Variants in GRIA4 observed in about 807,000 individuals in gnomAD.
GRIA4 encodes glutamate receptor 4.
GRIA4 carries 34 observed loss-of-function variants against 104.0 expected under a neutral mutation model. The ratio of observed to expected loss-of-function variants is 0.33; its 90% confidence interval spans 0.25 to 0.44. The LOEUF is 0.44. Ranked by LOEUF, GRIA4 falls within the 20% of genes least tolerant of loss-of-function variation. The pLI is 1.00. For missense variants in GRIA4, 750 were observed against 1,096.5 expected (o/e 0.68, Z 4.46); for synonymous variants, 386 against 381.9 (o/e 1.01, Z -0.13).
At chr11:105,633,506 T>A (rs1417377678) in intron 3 of GRIA4, among the ~76,000 whole-genome samples, 1 of 152,214 alleles carries the variant, frequency 6.6e-6, no homozygotes, top group Admixed American at 6.5e-5. Flanking sequence ...TATTTCTGAA[T>A]GCAAATGTGC....
chr11:105,826,000 A>G (rs1943757403), intron 4 of GRIA4, among the ~76,000 whole-genome samples: 1 of 152,006 alleles, frequency 6.6e-6, no homozygotes, highest in Non-Finnish European at 1.5e-5. Context: ...CCCTCTCCTA[A>G]GCAGGACCAG....
intron 4 of GRIA4, among the ~76,000 whole-genome samples, chr11:105,790,639 G>A (rs1942175943): frequency 6.6e-6 from 1 of 152,020 alleles, no homozygotes; most frequent in South Asian, 2.1e-4. Context: ...CTCAAGCCAG[G>A]GAAATAAAAG....
chr11:105,796,409 T>G (rs1320515497), intron 4 of GRIA4, among the ~76,000 whole-genome samples: 1 of 152,192 alleles, frequency 6.6e-6, no homozygotes, highest in African/African-American at 2.4e-5. Flanking sequence ...GGAAACCATG[T>G]GAGCTGGCCT....
chr11:105,959,588 G>T (rs942038556), intron 14 of GRIA4, among the ~76,000 whole-genome samples: 1 of 152,134 alleles, frequency 6.6e-6, no homozygotes, highest in Non-Finnish European at 1.5e-5. Context: ...CCTATCTTCT[G>T]AAGACTCCTT....
At chr11:105,852,241 G>A (rs949961020) in intron 4 of GRIA4, among the ~76,000 whole-genome samples, 6 of 152,130 alleles carry the variant, frequency 3.9e-5, no homozygotes, top group Non-Finnish European at 8.8e-5. Flanking sequence ...GTGGGATGTT[G>A]AGTTATACAT....
intron 14 of GRIA4, among the ~76,000 whole-genome samples, chr11:105,946,604 C>T (rs1948320701): frequency 6.6e-6 from 1 of 151,756 alleles, no homozygotes; most frequent in Admixed American, 6.6e-5. Flanking sequence ...TAAATAAAAG[C>T]TAAATTAAAA....
At chr11:105,898,663 C>A (rs374918302) in intron 7 of GRIA4, among the ~76,000 whole-genome samples, 3 of 152,158 alleles carry the variant, frequency 2.0e-5, no homozygotes, top group African/African-American at 4.8e-5. Context: ...CAGTACTATA[C>A]ATATGAATTT....
At chr11:105,791,348 T>C (rs903240309) in intron 4 of GRIA4, among the ~76,000 whole-genome samples, 21 of 152,206 alleles carry the variant, frequency 1.4e-4, no homozygotes, top group African/African-American at 5.1e-4. Flanking sequence ...CCAAACGAAG[T>C]GTATTTTGTT....
chr11:105,714,564 A>AAACATC (rs1307975574), intron 3 of GRIA4, among the ~76,000 whole-genome samples: 1 of 152,126 alleles, frequency 6.6e-6, no homozygotes, highest in Admixed American at 6.6e-5. Flanking sequence ...TAAAACATCA[A>AAACATC]TTATCTTACA....
chr11:105,975,726 G>T (rs1858947660), intron 16 of GRIA4, among the ~76,000 whole-genome samples: 1 of 152,000 alleles, frequency 6.6e-6, no homozygotes, highest in Non-Finnish European at 1.5e-5. Context: ...TCAGTAAGAT[G>T]TACATCTGAG....
intron 3 of GRIA4, among the ~76,000 whole-genome samples, chr11:105,661,095 T>A (rs1208483173): frequency 6.6e-6 from 1 of 151,546 alleles, no homozygotes; most frequent in Non-Finnish European, 1.5e-5. Flanking sequence ...AAGTGGAAGA[T>A]GAGATATTTT....
intron 10 of GRIA4, chr11:105,913,553 T>G (rs1947317308): frequency 1.2e-6 from 1 of 821,498 alleles, no homozygotes; most frequent in Admixed American, 6.2e-5. Flanking sequence ...TTTCTGCAAA[T>G]AACCCAAAGA....
chr11:105,785,098 G>A (rs1007608005), intron 4 of GRIA4, among the ~76,000 whole-genome samples: 8 of 152,052 alleles, frequency 5.3e-5, no homozygotes, highest in African/African-American at 1.7e-4. Context: ...CACTTGTGCC[G>A]GATTTCAAAC....
At chr11:105,772,558 A>C (rs1379659610) in intron 4 of GRIA4, among the ~76,000 whole-genome samples, 1 of 152,114 alleles carries the variant, frequency 6.6e-6, no homozygotes, top group East Asian at 1.9e-4. Context: ...TCAATTTTGG[A>C]GGGAGTTAAA....
At chr11:105,661,963 G>T (rs1952023647) in intron 3 of GRIA4, among the ~76,000 whole-genome samples, 1 of 150,992 alleles carries the variant, frequency 6.6e-6, no homozygotes, top group African/African-American at 2.4e-5. Flanking sequence ...CTGCAAAGTT[G>T]GATTAATAAG....
chr11:105,860,956 G>GAAAA (rs55824302), intron 4 of GRIA4, among the ~76,000 whole-genome samples: 3 of 106,078 alleles, frequency 2.8e-5, no homozygotes, highest in African/African-American at 1.1e-4. Flanking sequence ...AAGACTGTCT[G>GAAAA]AAAAAAAAAA....
intron 14 of GRIA4, among the ~76,000 whole-genome samples, chr11:105,942,986 A>G: frequency 6.6e-6 from 1 of 152,120 alleles, no homozygotes; most frequent in East Asian, 1.9e-4. Context: ...TGACATCTCT[A>G]TTTCCTTCCC....
intron 14 of GRIA4, among the ~76,000 whole-genome samples, chr11:105,963,712 G>C (rs1255385716): frequency 1.3e-5 from 2 of 152,044 alleles, no homozygotes; most frequent in African/African-American, 2.4e-5. Flanking sequence ...GAAAGACAAT[G>C]TTTTAGAATA....
intron 4 of GRIA4, among the ~76,000 whole-genome samples, chr11:105,799,244 A>T (rs987574834): frequency 1.3e-5 from 2 of 152,156 alleles, no homozygotes; most frequent in African/African-American, 4.8e-5. Context: ...CACTGGATTT[A>T]ACAGCATGGT....
Sources: allele counts gnomAD v4.1 joint callset (sites outside exome capture counted in the v4.1 genomes callset), GRCh38; gene constraint gnomAD v4.1.1; transcripts MANE v1.5; gene names NCBI Gene and HGNC (gene_info 2026-07-23, HGNC 2026-07-21).